NEB: variants seen among roughly 807,000 people sequenced by gnomAD.
NEB encodes the protein nebulin.
NEB carries 512 observed loss-of-function variants against 952.2 expected under a neutral mutation model. The observed-to-expected ratio is 0.54, with a 90% CI of 0.50 to 0.58. The LOEUF (loss-of-function observed/expected upper bound fraction) is 0.58. Among genes scored for constraint, NEB ranks in the 20% least tolerant of loss-of-function variants. NEB has a pLI of 0.00. For synonymous variants in NEB, 2,900 were observed against 3,149.8 expected, an observed-to-expected ratio of 0.92 and a Z score of 2.66; for missense variants, 8,428 against 9,231.1, an observed-to-expected ratio of 0.91 and a Z score of 3.56.
In NEB at chr2:151,617,345, A is replaced by T; in HGVS notation, c.11181+19T>A. ...CATTTTTGCCTTTCTGTTCATTACA[A>T]GATCAACAGTTTACTTACATCACTG... On this transcript the variant is annotated intron_variant, in intron 75 of 181. Transcript: ENST00000397345. 6.7e-7 allele frequency: 1 copy of T among 1,500,098 alleles called. No individual in the cohort carries two copies. Among genetic ancestry groups the T allele is most frequent in the South Asian group, 1.2e-5 (1 of 81,898 alleles). 92.9% of individuals were successfully genotyped at this position (1,500,098 alleles called of 1,614,324 possible). A position where few individuals can be genotyped will look rare whatever the true frequency, so the allele number is the denominator to read the frequency against.
At chr2:151,576,516 A>ATTTTTTTTTTTTT (rs869125440) in intron 105 of NEB, among the ~76,000 whole-genome samples, 162 bp from the exon 106 acceptor site, 1 of 18,890 alleles carries the variant, frequency 5.3e-5, no homozygotes, top group Non-Finnish European at 8.9e-5. Context: ...ATATATATAT[A>ATTTTTTTTTTTTT]TTTTTTTTTT....
chr2:151,505,629 C>T, intron 164 of NEB, 59 bp from the exon 165 acceptor site: 1 of 1,360,162 alleles, frequency 7.4e-7, no homozygotes, highest in Non-Finnish European at 1.1e-6. Flanking sequence ...GTTATTCTTC[C>T]CAACATGTAC....
intron 12 of NEB, 26 bp downstream of exon 12, chr2:151,709,630 A>C (rs913371930): frequency 1.3e-5 from 20 of 1,520,722 alleles, no homozygotes; most frequent in South Asian, 3.6e-5. Flanking sequence ...CAAACCATCA[A>C]GATAAATGGG....
rs200804762 is a variant in NEB, at chr2:151,492,401, G to T, written c.24859C>A (p.Arg8287=). ...TCCTGACTCACCGTTGAGATGTGCC[G>T]TTGGGTCTCCCTCACCCGTCTCATC... ...PEMRRVRETQ[R]HISTVKYHED... The change falls in exon 177 of 182, where the codon CGG becomes AGG. Residue 8287 remains arginine (R), a synonymous_variant. Coordinates refer to ENST00000397345, the MANE Select transcript of NEB (RefSeq NM_001164508.2). The T allele has an allele frequency of 1.9e-6, 3 of 1,604,444 alleles. No individual in the cohort carries two copies. The highest frequency in any genetic ancestry group is 4.5e-5 in the East Asian group (2 of 44,760).
intron 71 of NEB, among the ~76,000 whole-genome samples, chr2:151,625,150 AT>A (rs1367076607): frequency 1.3e-5 from 2 of 152,214 alleles, no homozygotes; most frequent in African/African-American, 4.8e-5. Flanking sequence ...TAAGGTAAGC[AT>A]TTTAATCCTA....
intron 28 of NEB, 144 bp downstream of exon 28, chr2:151,684,634 C>T (rs2099474740): frequency 1.4e-6 from 1 of 692,530 alleles, no homozygotes; most frequent in Non-Finnish European, 2.2e-6. Context: ...AGGGCATGCT[C>T]TTATAGAACC....
At chr2:151,711,476 G>A (rs1165876228) in intron 10 of NEB, among the ~76,000 whole-genome samples, 1 of 152,202 alleles carries the variant, frequency 6.6e-6, no homozygotes, top group Admixed American at 6.5e-5. Flanking sequence ...GAAGGTGAGT[G>A]ATGTGCAGAG....
chr2:151,540,759 G>A lies in NEB; in HGVS notation c.20725C>T (p.His6909Tyr), dbSNP rs1445358365. 1.9e-6 allele frequency: 3 copies of A among 1,613,536 alleles called. No individual in the cohort carries two copies. In the African/African-American group the frequency reaches 4.0e-5, roughly 22 times the overall value. ...ELATKERPHH[H>Y]AGNQTTALKH... is the part of the protein sequence containing the mutation. ...AAGGCTGTGGTCTGGTTTCCAGCGT[G>A]ATGATGGGGTCTCTCTTTGGTGGCA... The change falls in exon 137 of 182, where the codon CAC (histidine) becomes TAC (tyrosine). Residue 6909 changes from histidine to tyrosine, a missense_variant. Physicochemically the swap from His to Tyr is moderately conservative, Grantham distance 83. Around this residue, in one of 11 missense-constraint regions of NEB, gnomAD observed 3,374 missense variants for 3,651.5 expected, o/e 0.92. Transcript: ENST00000397345.
intron 63 of NEB, among the ~76,000 whole-genome samples, chr2:151,638,667 G>T (rs1313523205): frequency 6.6e-6 from 1 of 152,212 alleles, no homozygotes; most frequent in Admixed American, 6.5e-5. Context: ...GTGGGGAGGG[G>T]TACCTTTGCA....
rs75859017 is a variant in NEB at position 151,691,280 on chromosome 2, T to C, written c.2212-455A>G. 6.5e-3 allele frequency among the ~76,000 whole-genome samples: 997 copies of C among 152,352 alleles called. 12 individuals are homozygous for C. Among genetic ancestry groups the C allele is most frequent in the East Asian group, 0.057 (298 of 5,192 alleles). ...TCCTTAGGCCGTTCTTCCCTGCTGC[T>C]GTTCCCCTGACCTTGGCCTGACTGG... On this transcript the variant is annotated intron_variant, in intron 23 of 181. Coordinates refer to ENST00000397345, the MANE Select transcript of NEB (RefSeq NM_001164508.2).
rs553688128 is a variant in NEB at position 151,727,199 on chromosome 2, C to T, written c.294+492G>A. Among the ~76,000 whole-genome samples, 47 of 152,260 alleles carry T rather than the reference C, an allele frequency of 3.1e-4. No homozygotes were observed. The South Asian group carries it at 4.8e-3, about 15-fold the overall frequency. On this transcript the variant is annotated intron_variant, in intron 5 of 181. Transcript: ENST00000397345. ...ACCACTGTTTTAAGGTATAGCCAAA[C>T]ATTCAGATCCTCAATTTCAAATGAG...
chr2:151,595,366 C>T (rs1209102275), intron 92 of NEB, among the ~76,000 whole-genome samples: 2,224 of 139,370 alleles, frequency 0.016, 2 homozygotes, highest in African/African-American at 0.036. Context: ...ATTCTCCTGC[C>T]TCAGACTCCT....
chr2:151,634,382 GC>G (rs1203042087), intron 64 of NEB, among the ~76,000 whole-genome samples: 2 of 152,170 alleles, frequency 1.3e-5, no homozygotes, highest in African/African-American at 4.8e-5. Flanking sequence ...GGTGGCTCAT[GC>G]CTGTAATCCC....
Position 151,560,978 on chromosome 2 carries a change from T to C in NEB, c.19206+26A>G, listed in dbSNP as rs1485511651. ...AGAAGGGGGAAAGGTGGCTCATATA[T>C]AAGGGGGAAAAAAAACTCAACTCAC... is the stretch of plus-strand genomic sequence containing the variant. On this transcript the variant is annotated intron_variant, in intron 123 of 181. Coordinates refer to ENST00000397345, the MANE Select transcript of NEB (RefSeq NM_001164508.2). 5.6e-6 allele frequency: 8 copies of C among 1,428,918 alleles called. No homozygotes were observed. In the Admixed American group the frequency reaches 8.8e-5, roughly 16 times the overall value. The allele number at this position is 1,428,918 out of a possible 1,614,324, so 88.5% of individuals were successfully genotyped here.
At chr2:151,680,641 T>C (rs1170400319) in intron 30 of NEB, 89 bp downstream of exon 30, 2 of 979,608 alleles carry the variant, frequency 2.0e-6, no homozygotes, top group Non-Finnish European at 3.1e-6. Context: ...TCATATTGTA[T>C]AATAACTAGA....
intron 127 of NEB, 99 bp downstream of exon 127, chr2:151,553,299 G>A: frequency 2.0e-6 from 2 of 978,188 alleles, no homozygotes. Context: ...ACCCCCCAGA[G>A]CTGGCCTGTG....
chr2:151,541,335 T>C (rs2094025647), intron 136 of NEB, 112 bp downstream of exon 136: 1 of 712,942 alleles, frequency 1.4e-6, no homozygotes, highest in Admixed American at 2.5e-5. Flanking sequence ...GGGCATGAGG[T>C]TGCAGCCAGG....
At chr2:151,675,201 A>G in intron 35 of NEB, 86 bp downstream of exon 35, 1 of 952,790 alleles carries the variant, frequency 1.0e-6, no homozygotes, top group Non-Finnish European at 1.7e-6. Flanking sequence ...GGGCCTAAAT[A>G]AATTGTCAAG....
At position 151,684,823 on chromosome 2, in the gene NEB, G is replaced by T; in HGVS notation, c.2790C>A (p.Ser930Arg). ...CCTTCTTGGCAAGGTCCACATTGAT[G>T]CTATCAGGGGGGTAGCTGTAACTGT... ...ILHSYSYPPD[S>R]INVDLAKKAY... Residue 930 changes from serine to arginine, a missense_variant, in exon 28 of 182, where the codon AGC becomes AGA. Physicochemically the swap from Ser to Arg is moderately radical, Grantham distance 110. Transcript: ENST00000397345. 1.2e-6 allele frequency: 2 copies of T among 1,613,142 alleles called. No individual in the cohort carries two copies.
Sources: gnomAD v4.1 joint callset for allele counts (sites outside exome capture counted in the v4.1 genomes callset) on GRCh38, gnomAD v4.1.1 for gene constraint, gnomAD v4.1.1 regional missense constraint, MANE v1.5 for transcripts, NCBI Gene and HGNC (gene_info 2026-07-23, HGNC 2026-07-21) for gene names.